SPOCK3: variants seen among roughly 807,000 people sequenced by gnomAD.
SPOCK3 encodes testican-3.
A neutral mutation model predicts 56.6 loss-of-function variants in SPOCK3; 30 were observed. That is an observed-to-expected ratio of 0.53 (90% CI 0.40 to 0.72). The LOEUF (loss-of-function observed/expected upper bound fraction) is 0.72. Among genes scored for constraint, SPOCK3 ranks in the 30% least tolerant of loss-of-function variants. The pLI, the probability that SPOCK3 is intolerant of heterozygous loss-of-function variation, is 0.00. For synonymous variants in SPOCK3, 196 were observed against 183.3 expected, an observed-to-expected ratio of 1.07 and a Z score of -0.56; for missense variants, 527 against 530.0, an observed-to-expected ratio of 0.99 and a Z score of 0.06.
chr4:167,000,601 A>G, intron 3 of SPOCK3, 138 bp from the exon 4 acceptor site: 3 of 536,064 alleles, frequency 5.6e-6, no homozygotes, highest in Non-Finnish European at 9.8e-6. Flanking sequence ...CTATTAAGAG[A>G]AACTTCTGCT....
intron 5 of SPOCK3, among the ~76,000 whole-genome samples, chr4:166,895,341 T>C (rs1218296457): frequency 6.6e-6 from 1 of 151,940 alleles, no homozygotes; most frequent in Non-Finnish European, 1.5e-5. Flanking sequence ...AAGATGAGAA[T>C]AGAAGGTCAT....
chr4:166,924,719 T>A (rs1001909674), intron 4 of SPOCK3, among the ~76,000 whole-genome samples: 3 of 152,132 alleles, frequency 2.0e-5, no homozygotes, highest in African/African-American at 7.2e-5. Context: ...AAGAAAAAGG[T>A]TAGTAGGTCC....
chr4:166,964,907 T>C (rs12500468), intron 4 of SPOCK3, among the ~76,000 whole-genome samples: 52,787 of 151,634 alleles, frequency 0.35, 10,967 homozygotes, highest in African/African-American at 0.59. Flanking sequence ...ATTTTGTGAC[T>C]CCATGCCCAG....
intron 6 of SPOCK3, among the ~76,000 whole-genome samples, chr4:166,837,791 T>C (rs1196077937): frequency 6.6e-6 from 1 of 152,186 alleles, no homozygotes; most frequent in Non-Finnish European, 1.5e-5. Flanking sequence ...TGTTTCAATA[T>C]TGTTTCCTTT....
chr4:167,134,696 T>A (rs2150387985), intron 2 of SPOCK3, among the ~76,000 whole-genome samples: 1 of 152,308 alleles, frequency 6.6e-6, no homozygotes, highest in East Asian at 1.9e-4. Flanking sequence ...TCAAAGGACT[T>A]CAAAAGTCGT....
intron 2 of SPOCK3, among the ~76,000 whole-genome samples, chr4:167,107,716 C>T (rs934829295): frequency 3.3e-5 from 5 of 151,496 alleles, no homozygotes; most frequent in African/African-American, 1.2e-4. Context: ...AAAGACATCA[C>T]AAAAAAATAA....
intron 4 of SPOCK3, among the ~76,000 whole-genome samples, chr4:166,994,138 G>A (rs1005075994): frequency 3.3e-5 from 5 of 152,070 alleles, no homozygotes; most frequent in African/African-American, 1.2e-4. Context: ...GACATCTCGC[G>A]AGAAAATAAA....
At chr4:167,157,004 T>C (rs975129803) in intron 2 of SPOCK3, among the ~76,000 whole-genome samples, 5 of 152,112 alleles carry the variant, frequency 3.3e-5, no homozygotes, top group Admixed American at 2.6e-4. Context: ...CTGGATCTCT[T>C]GCATTAAGTT....
At chr4:167,153,653 A>G (rs970414879) in intron 2 of SPOCK3, among the ~76,000 whole-genome samples, 3 of 152,206 alleles carry the variant, frequency 2.0e-5, no homozygotes, top group Admixed American at 6.5e-5. Flanking sequence ...CTTAAGAGAC[A>G]GAAAGTCGTA....
chr4:166,872,706 A>G (rs1732612592), intron 6 of SPOCK3, among the ~76,000 whole-genome samples: 2 of 152,214 alleles, frequency 1.3e-5, no homozygotes. Context: ...AAGGCTGCAT[A>G]GTGTATGATT....
At chr4:166,944,219 T>G (rs565751206) in intron 4 of SPOCK3, among the ~76,000 whole-genome samples, 2 of 152,156 alleles carry the variant, frequency 1.3e-5, no homozygotes, top group Middle Eastern at 3.2e-3. Context: ...GAGAAGTGTC[T>G]CTTTTTTTTT....
chr4:167,184,982 C>T (rs1028668925), intron 2 of SPOCK3, among the ~76,000 whole-genome samples: 1 of 152,120 alleles, frequency 6.6e-6, no homozygotes, highest in Non-Finnish European at 1.5e-5. Context: ...AACCCCCTGC[C>T]CCTCCCTATT....
chr4:167,092,686 G>A (rs906037393), intron 2 of SPOCK3, among the ~76,000 whole-genome samples: 4 of 152,098 alleles, frequency 2.6e-5, no homozygotes, highest in African/African-American at 4.8e-5. Context: ...CTACACAGTG[G>A]CAAAGTCTAT....
chr4:166,984,661 A>G (rs1746944112), intron 4 of SPOCK3, among the ~76,000 whole-genome samples: 1 of 152,078 alleles, frequency 6.6e-6, no homozygotes, highest in African/African-American at 2.4e-5. Flanking sequence ...ACAAGGTAAG[A>G]GTTCATTCTC....
intron 2 of SPOCK3, among the ~76,000 whole-genome samples, chr4:167,122,176 C>T (rs780470370): frequency 1.3e-5 from 2 of 149,564 alleles, no homozygotes; most frequent in African/African-American, 2.5e-5. Context: ...CTCTTTCTCT[C>T]TCTTTCTTGA....
intron 7 of SPOCK3, among the ~76,000 whole-genome samples, chr4:166,777,235 AAAAG>A (rs1157268811): frequency 6.6e-6 from 1 of 152,226 alleles, no homozygotes; most frequent in Non-Finnish European, 1.5e-5. Flanking sequence ...TATTTACATG[AAAAG>A]AAACAAAAAC....
chr4:167,069,362 C>T (rs1029202606), intron 2 of SPOCK3, among the ~76,000 whole-genome samples: 1 of 151,880 alleles, frequency 6.6e-6, no homozygotes, highest in African/African-American at 2.4e-5. Flanking sequence ...GTGAGAGAAC[C>T]ATTTTGAACT....
intron 3 of SPOCK3, among the ~76,000 whole-genome samples, chr4:167,027,539 A>T (rs1356729677): frequency 5.9e-5 from 9 of 151,986 alleles, no homozygotes; most frequent in Non-Finnish European, 4.4e-5. Context: ...AGGGGTGGGG[A>T]AATCAACCCC....
At chr4:167,028,012 C>T (rs1751870859) in intron 3 of SPOCK3, among the ~76,000 whole-genome samples, 1 of 151,974 alleles carries the variant, frequency 6.6e-6, no homozygotes, top group African/African-American at 2.4e-5. Context: ...TTCCTGTCCC[C>T]TTATTTTATG....
Sources: allele counts gnomAD v4.1 joint callset (sites outside exome capture counted in the v4.1 genomes callset), GRCh38; gene constraint gnomAD v4.1.1; transcripts MANE v1.5; gene names NCBI Gene and HGNC (gene_info 2026-07-23, HGNC 2026-07-21).